PRKCE: variants seen among roughly 807,000 people sequenced by gnomAD.
The protein encoded by PRKCE is protein kinase C epsilon type.
In PRKCE, 16 loss-of-function variants were observed where a neutral mutation model predicts 85.4. That is an observed-to-expected ratio of 0.19 (90% CI 0.13 to 0.28). The LOEUF is 0.28. Among genes scored for constraint, PRKCE ranks in the 10% least tolerant of loss-of-function variants. The probability of loss-of-function intolerance (pLI) is 1.00; values close to 1 mark genes in which losing one functional copy is unlikely to be tolerated. For synonymous variants in PRKCE, 388 were observed against 371.5 expected (o/e 1.04, Z -0.51); for missense variants, 573 against 975.2 (o/e 0.59, Z 5.49).
intron 14 of PRKCE, among the ~76,000 whole-genome samples, chr2:46,178,997 G>C (rs1679705512): frequency 6.6e-6 from 1 of 152,128 alleles, no homozygotes; most frequent in Admixed American, 6.5e-5. Context: ...AGACCACGTA[G>C]AGACAGCATG....
intron 14 of PRKCE, among the ~76,000 whole-genome samples, chr2:46,162,366 G>A (rs1280226718): frequency 2.6e-5 from 4 of 152,180 alleles, no homozygotes; most frequent in African/African-American, 9.7e-5. Flanking sequence ...CCCCCTGAGA[G>A]GATGGCAAAG....
chr2:45,955,404 G>A (rs909346153), intron 2 of PRKCE, among the ~76,000 whole-genome samples: 32 of 152,304 alleles, frequency 2.1e-4, no homozygotes, highest in African/African-American at 7.5e-4. Flanking sequence ...AAGGCCCGTA[G>A]CATAAAAGTA....
intron 8 of PRKCE, 28 bp from the exon 9 acceptor site, chr2:46,007,434 T>C: frequency 6.3e-7 from 1 of 1,597,572 alleles, no homozygotes; most frequent in Non-Finnish European, 8.5e-7. Flanking sequence ...TATGCACTAA[T>C]GCAATTTCTT....
At chr2:46,095,211 A>G (rs905958050) in intron 11 of PRKCE, among the ~76,000 whole-genome samples, 44 of 152,356 alleles carry the variant, frequency 2.9e-4, no homozygotes, top group African/African-American at 1.0e-3. Flanking sequence ...ACCTCAGACT[A>G]TCACTATTTC....
chr2:45,758,589 G>A (rs1684196455), intron 1 of PRKCE, among the ~76,000 whole-genome samples: 1 of 152,138 alleles, frequency 6.6e-6, no homozygotes, highest in Non-Finnish European at 1.5e-5. Flanking sequence ...CCATCAGAGA[G>A]GCCTTCGCCA....
At chr2:45,911,676 T>C (rs1573847631) in intron 2 of PRKCE, among the ~76,000 whole-genome samples, 1 of 152,318 alleles carries the variant, frequency 6.6e-6, no homozygotes, top group South Asian at 2.1e-4. Flanking sequence ...GAGTTGGTCA[T>C]GTTACCTGGC....
chr2:46,150,588 T>G (rs575597116), intron 12 of PRKCE, among the ~76,000 whole-genome samples: 2 of 152,316 alleles, frequency 1.3e-5, no homozygotes, highest in East Asian at 3.9e-4. Context: ...AAAGAAGACC[T>G]CTGCTCACCT....
intron 10 of PRKCE, among the ~76,000 whole-genome samples, chr2:46,061,236 A>C (rs941471738): frequency 8.7e-5 from 13 of 150,046 alleles, no homozygotes; most frequent in South Asian, 2.1e-4. Flanking sequence ...CAGCCCCCTG[A>C]GTAGCTGGGA....
At chr2:45,680,038 A>G (rs1034733932) in intron 1 of PRKCE, among the ~76,000 whole-genome samples, 11 of 152,248 alleles carry the variant, frequency 7.2e-5, no homozygotes, top group African/African-American at 2.2e-4. Context: ...TAACTATTAA[A>G]CAAGAGAGGT....
chr2:45,912,762 T>G (rs1017408428), intron 2 of PRKCE, among the ~76,000 whole-genome samples: 20 of 152,120 alleles, frequency 1.3e-4, no homozygotes, highest in Middle Eastern at 3.2e-3. Context: ...GAAAAGCTTT[T>G]GAGAGAAGGG....
chr2:45,717,496 G>C (rs1020284078), intron 1 of PRKCE, among the ~76,000 whole-genome samples: 4 of 152,154 alleles, frequency 2.6e-5, no homozygotes, highest in African/African-American at 9.7e-5. Context: ...CCTACATTGG[G>C]TTCCCCCTAA....
intron 1 of PRKCE, among the ~76,000 whole-genome samples, chr2:45,778,685 T>A (rs1685949417): frequency 6.6e-6 from 1 of 152,210 alleles, no homozygotes; most frequent in African/African-American, 2.4e-5. Context: ...GAAATTAATA[T>A]AGAAATTTCC....
chr2:46,160,173 C>T (rs923836027), intron 14 of PRKCE: 1 of 187,864 alleles, frequency 5.3e-6, no homozygotes, highest in Non-Finnish European at 1.1e-5. Context: ...GTGGAACTAG[C>T]ACAGAGCATG....
At chr2:46,039,925 A>G (rs541125726) in intron 10 of PRKCE, among the ~76,000 whole-genome samples, 2 of 152,220 alleles carry the variant, frequency 1.3e-5, no homozygotes, top group African/African-American at 4.8e-5. Flanking sequence ...TTTCTCTGCT[A>G]CTGGGATGGA....
chr2:45,826,281 G>A (rs893787372), intron 1 of PRKCE, among the ~76,000 whole-genome samples: 1 of 152,156 alleles, frequency 6.6e-6, no homozygotes, highest in Non-Finnish European at 1.5e-5. Flanking sequence ...GCATTTGGGG[G>A]AATTTTAGAA....
chr2:46,163,681 TGAGA>T (rs1395625303), intron 14 of PRKCE, among the ~76,000 whole-genome samples: 2 of 131,426 alleles, frequency 1.5e-5, no homozygotes, highest in African/African-American at 5.9e-5. Flanking sequence ...CAGAGGCCAC[TGAGA>T]GACACGGGGA....
At position 46,068,693 on chromosome 2, in the gene PRKCE, G is replaced by C. The variant is rs149260198; in HGVS notation, c.1438-17515G>C. 7.6e-4 allele frequency among the ~76,000 whole-genome samples: 115 copies of C among 152,230 alleles called. 1 individual carries two copies. The highest frequency in any genetic ancestry group is 1.6e-3 in the Admixed American group (24 of 15,294). Reference sequence around the variant, plus strand: ...CCAAGGGCTGTCTTCATTTGCAAAGGCATCACCAATGAGCAGGAGGATAGG... The same window carrying C: ...CCAAGGGCTGTCTTCATTTGCAAAGCCATCACCAATGAGCAGGAGGATAGG... On this transcript the variant is annotated intron_variant, in intron 10 of 14. Coordinates refer to ENST00000306156, the MANE Select transcript of PRKCE (RefSeq NM_005400.3). The surrounding 1 kb of genome is among the most constrained non-coding windows in gnomAD (Gnocchi z 4.3).
intron 10 of PRKCE, among the ~76,000 whole-genome samples, chr2:46,080,876 G>A (rs1160404368): frequency 6.6e-6 from 1 of 152,116 alleles, no homozygotes; most frequent in Non-Finnish European, 1.5e-5. Flanking sequence ...TGGTGAGAGT[G>A]GGCACCCAGC....
Position 46,004,717 on chromosome 2 carries a change from A to C in PRKCE, c.1063+79A>C. 2 of 1,227,930 alleles carry C rather than the reference A, an allele frequency of 1.6e-6. No individual in the cohort carries two copies. Among genetic ancestry groups the C allele is most frequent in the Non-Finnish European group, 2.3e-6 (2 of 868,488 alleles). The allele number at this position is 1,227,930 out of a possible 1,614,324, so 76.1% of individuals were successfully genotyped here. On this transcript the variant is annotated intron_variant, in intron 8 of 14. Transcript: ENST00000306156. This position sits in a 1 kb window ranked among gnomAD's most constrained non-coding sequence, Gnocchi z 4.1. ...AAGGAGCTCTGAGGCCTCTTTAACCAAGAGTGAGCTTGTTAGCTGAAATAG... is the reference window on the plus strand; with the variant it reads ...AAGGAGCTCTGAGGCCTCTTTAACCCAGAGTGAGCTTGTTAGCTGAAATAG...
Sources: gnomAD v4.1 joint callset for allele counts (sites outside exome capture counted in the v4.1 genomes callset) on GRCh38, gnomAD v4.1.1 for gene constraint, Gnocchi (gnomAD v3.1) non-coding constraint, MANE v1.5 for transcripts, NCBI Gene and HGNC (gene_info 2026-07-23, HGNC 2026-07-21) for gene names.